The following EIF2D variants were observed in gnomAD, a reference collection of about 807,000 sequenced individuals.
EIF2D encodes eukaryotic translation initiation factor 2D.
Under a neutral mutation model 77.4 loss-of-function variants are expected in EIF2D, and 56 were observed. The ratio of observed to expected loss-of-function variants is 0.72; its 90% CI spans 0.58 to 0.90. The LOEUF is 0.90. Among genes scored for constraint, EIF2D ranks in the 40% least tolerant of loss-of-function variants. The pLI is 0.00. For missense variants in EIF2D, 574 were observed against 706.5 expected, an observed-to-expected ratio of 0.81 and a Z score of 2.13; for synonymous variants, 230 against 271.0, an observed-to-expected ratio of 0.85 and a Z score of 1.49.
chr1:206,611,829 G>C (rs1050294669), intron 1 of EIF2D, among the ~76,000 whole-genome samples: 1 of 152,208 alleles, frequency 6.6e-6, no homozygotes, highest in Non-Finnish European at 1.5e-5. Context: ...AACAGATACA[G>C]TTCTTCTTAC....
intron 11 of EIF2D, among the ~76,000 whole-genome samples, chr1:206,598,195 G>A (rs938527691): frequency 9.9e-5 from 15 of 151,812 alleles, no homozygotes; most frequent in Non-Finnish European, 2.1e-4. Context: ...GCCCTACCAT[G>A]CCCGGCTAAT....
chr1:206,585,050 T>G (rs1669054951), intron 2 of EIF2D: 2 of 700,594 alleles, frequency 2.9e-6, no homozygotes, highest in South Asian at 3.4e-5. Context: ...TCATGTTCAT[T>G]TCATTAAAAG....
chr1:206,602,705 G>A, intron 6 of EIF2D: 1 of 659,144 alleles, frequency 1.5e-6, no homozygotes, highest in Non-Finnish European at 2.5e-6. Context: ...AAGAAACCTT[G>A]GAGGGCTTTG....
intron 2 of EIF2D, chr1:206,585,890 A>C (rs1194720830): frequency 6.6e-6 from 1 of 152,390 alleles, no homozygotes; most frequent in African/African-American, 2.4e-5. Flanking sequence ...TTTAGGGATC[A>C]AGGCAGCTGG....
chr1:206,599,703 G>A lies in EIF2D; in HGVS notation c.1052+30C>T. On this transcript the variant is annotated intron_variant, in intron 9 of 14. Transcript: ENST00000271764. The surrounding 1 kb of genome is among the most constrained non-coding windows in gnomAD (Gnocchi z 4.1). ...TGGCCCAGGTGCCCTGGGGCCAGCT[G>A]GGCTACAGTGACAGGCCCCCTGCAC... 1 of 1,613,808 alleles carries A rather than the reference G, an allele frequency of 6.2e-7. No homozygotes were observed. Among genetic ancestry groups the A allele is most frequent in the Non-Finnish European group, 8.5e-7 (1 of 1,179,758 alleles).
chr1:206,605,798 G>C (rs1553412551), intron 4 of EIF2D, among the ~76,000 whole-genome samples: 1 of 152,124 alleles, frequency 6.6e-6, no homozygotes, highest in Non-Finnish European at 1.5e-5. Flanking sequence ...TAAATCTCCA[G>C]GTGGGTCTTG....
intron 2 of EIF2D, among the ~76,000 whole-genome samples, chr1:206,610,126 A>G (rs1173111092): frequency 1.3e-5 from 2 of 152,242 alleles, no homozygotes; most frequent in Non-Finnish European, 2.9e-5. Context: ...AAAGTACACC[A>G]TGAAAACAGC....
Position 206,599,707 on chromosome 1 carries a change from TA to T in EIF2D, c.1052+25del. ...CCAGGTGCCCTGGGGCCAGCTGGGC[TA>T]CAGTGACAGGCCCCCTGCACTCACC... On this transcript the variant is annotated intron_variant, in intron 9 of 14. Transcript: ENST00000271764. The surrounding 1 kb of genome is among the most constrained non-coding windows in gnomAD (Gnocchi z 4.1). The T allele has an allele frequency of 6.2e-7, 1 of 1,613,904 alleles. No individual in the cohort carries two copies. The highest frequency in any genetic ancestry group is 8.5e-7 in the Non-Finnish European group (1 of 1,179,784).
intron 11 of EIF2D, among the ~76,000 whole-genome samples, chr1:206,598,455 G>A (rs1346673670): frequency 1.3e-5 from 2 of 152,164 alleles, no homozygotes; most frequent in African/African-American, 4.8e-5. Flanking sequence ...GAAGAAATAA[G>A]TTTAGTCTTT....
At chr1:206,585,235 T>C in intron 2 of EIF2D, 2 of 1,614,176 alleles carry the variant, frequency 1.2e-6, no homozygotes, top group Non-Finnish European at 1.7e-6. Flanking sequence ...GCCTGCTTGC[T>C]GGGCCTGACA....
chr1:206,597,259 TC>T, intron 11 of EIF2D, 64 bp from the exon 12 acceptor site: 1 of 1,222,686 alleles, frequency 8.2e-7, no homozygotes, highest in Non-Finnish European at 1.2e-6. Context: ...GAAGGCTAAT[TC>T]AGGATTCATC....
At chr1:206,571,080 C>T (rs1367234740), downstream of EIF2D, among the ~76,000 whole-genome samples, 7 of 152,160 alleles carry the variant, frequency 4.6e-5, no homozygotes, top group Non-Finnish European at 7.4e-5. Context: ...TTCCCTGCAT[C>T]CATGCCAATG....
chr1:206,584,905 C>A lies in EIF2D; in HGVS notation c.139-3743G>T. ...CTTCAGGAAAACCACACCCTAGGCT[C>A]CCATTTCCTGATCTGTGCAATGGGA... On this transcript the variant is annotated intron_variant and NMD_transcript_variant, in intron 2 of 5. Coordinates refer to the EIF2D transcript ENST00000472709. This position sits in a 1 kb window ranked among gnomAD's most constrained non-coding sequence, Gnocchi z 4.9. The A allele has an allele frequency of 1.6e-6, 1 of 613,920 alleles. No individual in the cohort carries two copies. Among genetic ancestry groups the A allele is most frequent in the Non-Finnish European group, 2.9e-6 (1 of 349,122 alleles). 38.0% of individuals were successfully genotyped at this position (613,920 alleles called of 1,614,324 possible).
At chr1:206,608,555 C>T (rs2102305047) in intron 3 of EIF2D, among the ~76,000 whole-genome samples, 1 of 152,344 alleles carries the variant, frequency 6.6e-6, no homozygotes, top group East Asian at 1.9e-4. Context: ...CAGACCTTCT[C>T]CCCTTAGGGG....
chr1:206,570,414 G>A (rs1404403025), downstream of EIF2D, among the ~76,000 whole-genome samples: 1 of 152,046 alleles, frequency 6.6e-6, no homozygotes, highest in African/African-American at 2.4e-5. Flanking sequence ...ATTCTTAAGT[G>A]CATAGTGCAG....
At chr1:206,585,397 A>C in intron 2 of EIF2D, 1 of 824,612 alleles carries the variant, frequency 1.2e-6, no homozygotes, top group Non-Finnish European at 2.1e-6. Context: ...GCCACGCAGC[A>C]CGGGCAGGAA....
chr1:206,577,030 C>T (rs534916159), intron 4 of EIF2D, among the ~76,000 whole-genome samples: 46 of 150,062 alleles, frequency 3.1e-4, no homozygotes, highest in Non-Finnish European at 5.2e-4. Context: ...AGACTGGTCT[C>T]GAACTCCTGG....
intron 2 of EIF2D, among the ~76,000 whole-genome samples, chr1:206,610,149 T>A (rs183200878): frequency 6.6e-6 from 1 of 152,344 alleles, no homozygotes; most frequent in East Asian, 1.9e-4. Context: ...GATATGTAGC[T>A]TATCAATCCA....
At position 206,584,667 on chromosome 1, in the gene EIF2D, T is replaced by C. The variant is rs1553407184; in HGVS notation, c.139-3505A>G. Reference sequence around the variant, plus strand: ...CAGAAGTTTGCACTTTTTAAGCGGATACACAAGGACGGACAAGGTAGGAGA... The same window carrying C: ...CAGAAGTTTGCACTTTTTAAGCGGACACACAAGGACGGACAAGGTAGGAGA... On this transcript the variant is annotated intron_variant and NMD_transcript_variant, in intron 2 of 5. Coordinates refer to the EIF2D transcript ENST00000472709. The surrounding 1 kb of genome is among the most constrained non-coding windows in gnomAD (Gnocchi z 4.9). 1.2e-6 allele frequency: 2 copies of C among 1,614,090 alleles called. No homozygotes were observed. Among genetic ancestry groups the C allele is most frequent in the Non-Finnish European group, 8.5e-7 (1 of 1,180,034 alleles).
Sources: allele counts gnomAD v4.1 joint callset (sites outside exome capture counted in the v4.1 genomes callset), GRCh38; gene constraint gnomAD v4.1.1; non-coding constraint Gnocchi (gnomAD v3.1); transcripts MANE v1.5; gene names NCBI Gene and HGNC (gene_info 2026-07-23, HGNC 2026-07-21).